HNRNPL: variants seen among roughly 807,000 people sequenced by gnomAD.
HNRNPL encodes heterogeneous nuclear ribonucleoprotein L.
A neutral mutation model predicts 64.0 loss-of-function variants in HNRNPL; 12 were observed. That is an observed-to-expected ratio of 0.19 (90% CI 0.12 to 0.30). The LOEUF (loss-of-function observed/expected upper bound fraction) is 0.30, where lower values mean the gene tolerates loss of function less well. Ranked by LOEUF, HNRNPL falls within the 10% of genes least tolerant of loss-of-function variation. The pLI is 1.00. For synonymous variants in HNRNPL, 385 were observed against 313.0 expected (o/e 1.23, Z -2.43); for missense variants, 484 against 797.4 (o/e 0.61, Z 4.73).
chr19:38,847,229 C>A, intron 2 of HNRNPL, 87 bp downstream of exon 2: 1 of 614,270 alleles, frequency 1.6e-6, no homozygotes, highest in Admixed American at 3.1e-5. Flanking sequence ...GCAACAAAAT[C>A]ACTATTTCCA....
At position 38,847,320 on chromosome 19, in the gene HNRNPL, TG is replaced by T; in HGVS notation, c.381del (p.Ile128SerfsTer6). 6.8e-7 allele frequency: 1 copy of T among 1,461,392 alleles called. No homozygotes were observed. Among genetic ancestry groups the T allele is most frequent in the South Asian group, 1.4e-5 (1 of 71,138 alleles). The allele number at this position is 1,461,392 out of a possible 1,614,324, so 90.5% of individuals were successfully genotyped here. On this transcript the variant is annotated frameshift_variant, in exon 2 of 13. Transcript: ENST00000221419. LOFTEE classifies it high-confidence loss of function. ...CCTGGCCTCTGAGCCCAGTACCTGA[TG>T]GGTCCAAACTCCTGCAAGGCCTCCA... ...DLVEALQEFGPISYVVVMPKK... is the reference protein window; with the variant it reads ...DLVEALQEFGXISYVVVMPKK...
At position 38,838,412 on chromosome 19, in the gene HNRNPL, C is replaced by T; in HGVS notation, c.1542G>A (p.Glu514=). ...CGGCACACACCTCAAAGAAGTTCTC[C>T]TCGGTCACCTCCAGCGGGGCGTTGA... The part of the protein sequence containing the change: ...HFFNAPLEVT[E]ENFFEICDEL... Residue 514 remains glutamate (E), a synonymous_variant, in exon 10 of 13, where the codon GAG becomes GAA. Coordinates refer to ENST00000221419, the MANE Select transcript of HNRNPL (RefSeq NM_001533.3). 1.2e-6 allele frequency: 2 copies of T among 1,611,252 alleles called. No homozygotes were observed. Among genetic ancestry groups the T allele is most frequent in the Non-Finnish European group, 1.7e-6 (2 of 1,177,456 alleles).
upstream of HNRNPL, chr19:38,850,004 G>A (rs774718808): frequency 6.1e-6 from 8 of 1,314,172 alleles, no homozygotes; most frequent in Non-Finnish European, 6.8e-6. Context: ...CTCTCATTGG[G>A]GGAGGGACAC....
intron 10 of HNRNPL, 133 bp downstream of exon 10, chr19:38,838,264 T>G (rs745612474): frequency 1.5e-6 from 1 of 679,746 alleles, no homozygotes; most frequent in Non-Finnish European, 2.5e-6. Context: ...GCCTCTGCTG[T>G]GTCCCTAGCA....
rs745525449 is a variant in HNRNPL, at chr19:38,840,576, CAGTT to C, written c.881-21_881-18del. 396 of 1,565,548 alleles carry C rather than the reference CAGTT, an allele frequency of 2.5e-4. 2 individuals carry two copies. The highest frequency in any genetic ancestry group is 4.7e-4 in the Admixed American group (25 of 53,054). On this transcript the variant is annotated intron_variant, in intron 6 of 12. Transcript: ENST00000221419. ...CAGGGTCACCTGTGGAGAGAGAAAA[CAGTT>C]AGGAGTCTCACTCAGAAATTGGGGT... is the stretch of plus-strand genomic sequence containing the variant.
Position 38,847,402 on chromosome 19 carries a change from G to C in HNRNPL, c.300C>G (p.Ala100=), listed in dbSNP as rs750998723. ...GGCCCCTGATGTGGACAACTGGGGA[G>C]GCAGGGGTTTTGTGCGGGTCATCGT... ...ENYDDPHKTP[A]SPVVHIRGLI... is the part of the protein sequence containing the mutation. Residue 100 remains alanine, a synonymous_variant, in exon 2 of 13, where the codon GCC becomes GCG. Transcript: ENST00000221419. 4.5e-6 allele frequency: 7 copies of C among 1,552,764 alleles called. No homozygotes were observed. The highest frequency in any genetic ancestry group is 6.1e-6 in the Non-Finnish European group (7 of 1,150,650).
chr19:38,851,591 C>CGGGTGGAAACT (rs1437881264), upstream of HNRNPL, among the ~76,000 whole-genome samples: 2 of 152,126 alleles, frequency 1.3e-5, no homozygotes, highest in East Asian at 3.9e-4. Context: ...AGTTGAGGTC[C>CGGGTGGAAACT]GGGTGGAAAC....
chr19:38,842,073 G>A (rs1182416503), intron 6 of HNRNPL: 1 of 117,344 alleles, frequency 8.5e-6, no homozygotes, highest in African/African-American at 2.6e-5. Flanking sequence ...GTCTGTTTTG[G>A]TTTTTTTGAT....
chr19:38,846,134 G>T, intron 2 of HNRNPL, 44 bp from the exon 3 acceptor site: 1 of 1,389,822 alleles, frequency 7.2e-7, no homozygotes, highest in Non-Finnish European at 1.0e-6. Context: ...GGAAAATGTA[G>T]ACAGGAGGAG....
chr19:38,836,499 T>G lies in HNRNPL; in HGVS notation c.*223A>C. The G allele has an allele frequency of 2.5e-6, 1 of 398,082 alleles. No homozygotes were observed. Among genetic ancestry groups the G allele is most frequent in the Non-Finnish European group, 4.5e-6 (1 of 224,714 alleles). 24.7% of individuals were successfully genotyped at this position (398,082 alleles called of 1,614,324 possible). ...CACATGTACAATAATTTTTTAAAAG[T>G]GAAGGTTAATCTTGGGAGATAACAG... On this transcript the variant is annotated 3_prime_UTR_variant, in exon 13 of 13. Coordinates refer to ENST00000221419, the MANE Select transcript of HNRNPL (RefSeq NM_001533.3).
intron 4 of HNRNPL, among the ~76,000 whole-genome samples, chr19:38,844,353 C>T (rs548435628): frequency 1.3e-4 from 20 of 152,186 alleles, no homozygotes; most frequent in Admixed American, 1.3e-3. Context: ...CCCATGGCCA[C>T]CAGCAACCTC....
chr19:38,844,997 T>G (rs1457486300), intron 4 of HNRNPL: 1 of 152,278 alleles, frequency 6.6e-6, no homozygotes, highest in Non-Finnish European at 1.5e-5. Flanking sequence ...CATGAGCCAC[T>G]GTGCCCGGCC....
intron 6 of HNRNPL, chr19:38,841,730 C>A (rs373407078): frequency 2.5e-6 from 2 of 786,830 alleles, no homozygotes; most frequent in Non-Finnish European, 3.7e-6. Flanking sequence ...CGGTACACAT[C>A]CGCTACAATT....
At chr19:38,848,832 T>C (rs2145438205) in intron 1 of HNRNPL, among the ~76,000 whole-genome samples, 1 of 152,326 alleles carries the variant, frequency 6.6e-6, no homozygotes, top group South Asian at 2.1e-4. Flanking sequence ...AAGATGTCTT[T>C]AAAATGTGTG....
upstream of HNRNPL, among the ~76,000 whole-genome samples, chr19:38,851,315 G>T (rs1433371520): frequency 5.9e-5 from 9 of 152,218 alleles, no homozygotes; most frequent in Non-Finnish European, 1.3e-4. Context: ...GGCGGAGCCT[G>T]GGGGGTGGAG....
upstream of HNRNPL, among the ~76,000 whole-genome samples, chr19:38,850,708 CAGGGT>C (rs1451067075): frequency 2.0e-5 from 3 of 152,230 alleles, no homozygotes; most frequent in Non-Finnish European, 2.9e-5. Flanking sequence ...CAGGAACTCC[CAGGGT>C]ATCTCTGTCG....
At position 38,846,002 on chromosome 19, in the gene HNRNPL, C is replaced by T. The variant is rs754414985; in HGVS notation, c.475G>A (p.Asp159Asn). 3 of 1,614,154 alleles carry T rather than the reference C, an allele frequency of 1.9e-6. No homozygotes were observed. The highest frequency in any genetic ancestry group is 1.1e-5 in the South Asian group (1 of 91,082). The change falls in exon 3 of 13, where the codon GAC (aspartate) becomes AAC (asparagine). Residue 159 changes from aspartate (D) to asparagine (N), a missense_variant. By Grantham distance (23) the Asp-to-Asn change is conservative. Around this residue, in one of 9 missense-constraint regions of HNRNPL, gnomAD observed 18 missense variants for 19.0 expected, o/e 0.95. Coordinates refer to ENST00000221419, the MANE Select transcript of HNRNPL (RefSeq NM_001533.3). ...TGACCAGCAATGTATATTTGGTTGT[C>T]GGCTGCGTAGTTCACTGCGTTGCAA... ...GACNAVNYAA[D>N]NQIYIAGHPA...
At chr19:38,848,313 G>C (rs1016640147) in intron 1 of HNRNPL, among the ~76,000 whole-genome samples, 4 of 151,958 alleles carry the variant, frequency 2.6e-5, no homozygotes, top group Non-Finnish European at 5.9e-5. Flanking sequence ...GGCTGTTCTC[G>C]AACTCCTGAC....
chr19:38,849,921 G>T lies in HNRNPL; in HGVS notation c.46C>A (p.Leu16Met). Residue 16 changes from leucine (L) to methionine (M), a missense_variant, in exon 1 of 13, where the codon CTG becomes ATG. By Grantham distance (15) the Leu-to-Met change is conservative. Transcript: ENST00000221419. ...TCGTCCGGCTGCTGCCTCTGCTCCA[G>T]CCGCCGACGCCGCTTCTCCGCCCGG... The part of the protein sequence containing the change: ...LPRAEKRRRR[L>M]EQRQQPDEQR... 7.6e-7 allele frequency: 1 copy of T among 1,318,146 alleles called. No individual in the cohort carries two copies. The highest frequency in any genetic ancestry group is 1.0e-6 in the Non-Finnish European group (1 of 973,148). The allele number at this position is 1,318,146 out of a possible 1,614,324, so 81.7% of individuals were successfully genotyped here.
Sources: allele counts gnomAD v4.1 joint callset (sites outside exome capture counted in the v4.1 genomes callset), GRCh38; gene constraint gnomAD v4.1.1; regional missense constraint gnomAD v4.1.1; transcripts MANE v1.5; gene names NCBI Gene and HGNC (gene_info 2026-07-23, HGNC 2026-07-21).